NBAS: variants seen among roughly 807,000 people sequenced by gnomAD.
NBAS encodes NAG/BC035112 fusion.
In NBAS, 219 loss-of-function variants were observed where a neutral mutation model predicts 302.5. That is an observed-to-expected ratio of 0.72 (90% CI 0.65 to 0.81). NBAS has a LOEUF of 0.81. Ranked by LOEUF, NBAS falls within the 30% of genes least tolerant of loss-of-function variation. The pLI, the probability that NBAS is intolerant of heterozygous loss-of-function variation, is 0.00. For synonymous variants in NBAS, 1,118 were observed against 1,021.6 expected, an observed-to-expected ratio of 1.09 and a Z score of -1.80; for missense variants, 2,932 against 2,841.6, an observed-to-expected ratio of 1.03 and a Z score of -0.72.
chr2:15,500,738 C>T (rs1260167834), intron 11 of NBAS, among the ~76,000 whole-genome samples: 2 of 148,692 alleles, frequency 1.3e-5, no homozygotes, highest in African/African-American at 2.5e-5. Flanking sequence ...CTGGCTAACA[C>T]GGTGAAACCC....
the NBAS span, among the ~76,000 whole-genome samples, chr2:14,785,043 T>C: frequency 6.6e-6 from 1 of 152,340 alleles, no homozygotes; most frequent in Non-Finnish European, 1.5e-5. Context: ...ACGTCCCTTG[T>C]AAGGTGGATT....
intron 38 of NBAS, 135 bp from the exon 39 acceptor site, chr2:15,309,382 C>T: frequency 1.5e-6 from 1 of 687,662 alleles, no homozygotes; most frequent in Non-Finnish European, 2.5e-6. Flanking sequence ...GGCTGTTCAG[C>T]ACCATCTAAA....
In NBAS at chr2:15,446,123, G is replaced by A. The variant is rs1678728357; in HGVS notation, c.2339+15078C>T. Among the ~76,000 whole-genome samples, 3 of 151,840 alleles carry A rather than the reference G, an allele frequency of 2.0e-5. No homozygotes were observed. The South Asian group carries it at 6.3e-4, about 32-fold the overall frequency. ...GTGTGTATTGGGAAGGAGAAACAAG[G>A]AAGGGAAAAAAATATTTGAAGAAAT... On this transcript the variant is annotated intron_variant, in intron 21 of 51. Coordinates refer to ENST00000281513, the MANE Select transcript of NBAS (RefSeq NM_015909.4).
the NBAS span, among the ~76,000 whole-genome samples, chr2:15,155,691 G>A: frequency 1.3e-5 from 2 of 152,150 alleles, no homozygotes; most frequent in African/African-American, 2.4e-5. Context: ...TGCATTTTAC[G>A]GCACAGTATT....
chr2:15,466,936 C>A (rs368484449), intron 19 of NBAS, among the ~76,000 whole-genome samples: 222 of 133,036 alleles, frequency 1.7e-3, no homozygotes, highest in Middle Eastern at 0.012. Flanking sequence ...GATCCTATCT[C>A]AAAAAAAAAA....
At chr2:15,402,767 A>G (rs1676216428) in intron 25 of NBAS, among the ~76,000 whole-genome samples, 1 of 152,194 alleles carries the variant, frequency 6.6e-6, no homozygotes, top group Non-Finnish European at 1.5e-5. Context: ...TTCTATTCAA[A>G]AGAAATCCAA....
At chr2:15,252,793 G>T (rs991012917) in intron 44 of NBAS, among the ~76,000 whole-genome samples, 5 of 152,104 alleles carry the variant, frequency 3.3e-5, no homozygotes, top group African/African-American at 9.7e-5. Flanking sequence ...TATGAGCTAG[G>T]CCTGGCCTTG....
intron 21 of NBAS, among the ~76,000 whole-genome samples, chr2:15,451,583 T>C (rs143312079): frequency 1.3e-5 from 2 of 152,210 alleles, no homozygotes; most frequent in South Asian, 2.1e-4. Flanking sequence ...ATGATTTAAA[T>C]TATAAAGTGA....
chr2:15,054,907 T>C, the NBAS span, among the ~76,000 whole-genome samples: 7 of 152,252 alleles, frequency 4.6e-5, no homozygotes, highest in East Asian at 7.7e-4. Context: ...TCTGGCCAAA[T>C]AAATTTGGGA....
the NBAS span, among the ~76,000 whole-genome samples, chr2:14,910,232 A>C: frequency 6.6e-6 from 1 of 152,202 alleles, no homozygotes; most frequent in African/African-American, 2.4e-5. Flanking sequence ...ATCAAAGAAC[A>C]TGACTTCTTG....
At chr2:14,982,735 A>G in the NBAS span, among the ~76,000 whole-genome samples, 17 of 152,196 alleles carry the variant, frequency 1.1e-4, no homozygotes, top group Admixed American at 3.9e-4. Flanking sequence ...TGCCCCAGGA[A>G]AATAAAAATT....
the NBAS span, among the ~76,000 whole-genome samples, chr2:15,132,603 T>C: frequency 6.6e-6 from 1 of 152,330 alleles, no homozygotes; most frequent in East Asian, 1.9e-4. Context: ...TGTGTCGATA[T>C]AGGTTCTCAA....
chr2:15,555,163 A>G (rs1187083695), intron 3 of NBAS, among the ~76,000 whole-genome samples: 1 of 151,990 alleles, frequency 6.6e-6, no homozygotes, highest in Admixed American at 6.6e-5. Flanking sequence ...AGGCAGGAGG[A>G]TTGCTTGAGC....
the NBAS span, among the ~76,000 whole-genome samples, chr2:14,789,214 G>A: frequency 4.3e-3 from 657 of 152,280 alleles, 6 homozygotes; most frequent in African/African-American, 0.015. Flanking sequence ...GGAGTGACCC[G>A]ATTTTCCAGG....
At chr2:15,025,397 G>T in the NBAS span, among the ~76,000 whole-genome samples, 4 of 152,172 alleles carry the variant, frequency 2.6e-5, no homozygotes, top group African/African-American at 9.7e-5. Flanking sequence ...GTCGGGCAAT[G>T]TGATTCTTCC....
chr2:15,050,454 G>A, the NBAS span, among the ~76,000 whole-genome samples: 1 of 152,132 alleles, frequency 6.6e-6, no homozygotes, highest in Non-Finnish European at 1.5e-5. Flanking sequence ...CACCCAGCAA[G>A]GTCTCAGGCA....
chr2:15,008,505 TAC>T, the NBAS span, among the ~76,000 whole-genome samples: 3 of 152,228 alleles, frequency 2.0e-5, no homozygotes, highest in African/African-American at 7.2e-5. Flanking sequence ...GACCAGAACC[TAC>T]AGTTTCCTTT....
the NBAS span, among the ~76,000 whole-genome samples, chr2:15,006,628 C>A: frequency 6.6e-6 from 1 of 152,140 alleles, no homozygotes; most frequent in Non-Finnish European, 1.5e-5. Context: ...ATACTTTATT[C>A]TTCTTTCTGT....
chr2:15,262,710 C>CTA (rs1383768597), intron 44 of NBAS, among the ~76,000 whole-genome samples: 2 of 152,100 alleles, frequency 1.3e-5, no homozygotes, highest in African/African-American at 2.4e-5. Context: ...TTTCCTGTGT[C>CTA]TATGTTCATT....
Sources: allele counts gnomAD v4.1 joint callset (sites outside exome capture counted in the v4.1 genomes callset), GRCh38; gene constraint gnomAD v4.1.1; transcripts MANE v1.5; gene names NCBI Gene and HGNC (gene_info 2026-07-23, HGNC 2026-07-21).